Variants in MAGI1 observed in about 807,000 individuals in gnomAD.
MAGI1 encodes membrane-associated guanylate kinase, WW and PDZ domain-containing protein 1.
Under a neutral mutation model 139.9 loss-of-function variants are expected in MAGI1, and 58 were observed. That is an observed-to-expected ratio of 0.41 (90% CI 0.34 to 0.52). MAGI1 has a LOEUF of 0.52. MAGI1 is among the 20% of genes least tolerant of loss of function. MAGI1 has a pLI of 0.12. For synonymous variants in MAGI1, 812 were observed against 737.9 expected (o/e 1.10, Z -1.63); for missense variants, 1,874 against 1,901.6 (o/e 0.99, Z 0.27).
At chr3:65,404,950 CACATATAAGGCAT>C (rs1317533083) in intron 12 of MAGI1, among the ~76,000 whole-genome samples, 2 of 152,130 alleles carry the variant, frequency 1.3e-5, no homozygotes, top group African/African-American at 2.4e-5. Context: ...TGTCACATAT[CACATATAAGGCAT>C]ACATATAAGG....
At chr3:65,824,974 T>C (rs780901847) in intron 1 of MAGI1, among the ~76,000 whole-genome samples, 3 of 152,208 alleles carry the variant, frequency 2.0e-5, no homozygotes, top group Non-Finnish European at 2.9e-5. Flanking sequence ...CTGTACTCCC[T>C]GCCCCCAATG....
chr3:65,865,632 T>C (rs2059698694), intron 1 of MAGI1, among the ~76,000 whole-genome samples: 1 of 151,756 alleles, frequency 6.6e-6, no homozygotes, highest in African/African-American at 2.4e-5. Context: ...TTTGCAAGTG[T>C]TTTTTTGTTT....
chr3:65,447,910 T>C (rs1575781591), intron 7 of MAGI1, 112 bp downstream of exon 7: 25 of 1,188,008 alleles, frequency 2.1e-5, no homozygotes, highest in South Asian at 1.9e-4. Context: ...AAAATCATAA[T>C]TGGAGGAGTG....
chr3:65,748,963 A>C (rs910899903), intron 1 of MAGI1, among the ~76,000 whole-genome samples: 2 of 152,164 alleles, frequency 1.3e-5, no homozygotes, highest in African/African-American at 4.8e-5. Context: ...TAGGGGTGGC[A>C]ATGGTGATCC....
At chr3:65,755,251 A>T (rs1338690765) in intron 1 of MAGI1, among the ~76,000 whole-genome samples, 2 of 152,148 alleles carry the variant, frequency 1.3e-5, no homozygotes, top group Non-Finnish European at 2.9e-5. Flanking sequence ...CTCGGCCACA[A>T]ATAGTACATT....
At chr3:65,947,159 G>A (rs2063580776) in intron 1 of MAGI1, among the ~76,000 whole-genome samples, 2 of 152,120 alleles carry the variant, frequency 1.3e-5, no homozygotes, top group Non-Finnish European at 1.5e-5. Context: ...TGTGTTTCCT[G>A]TAGTTCTTCA....
intron 7 of MAGI1, 115 bp from the exon 8 acceptor site, chr3:65,442,964 A>G: frequency 1.4e-6 from 1 of 727,878 alleles, no homozygotes; most frequent in South Asian, 1.8e-5. Context: ...TTTAAATCCA[A>G]TTAAAACTGT....
At chr3:65,828,545 A>C (rs17073909) in intron 1 of MAGI1, among the ~76,000 whole-genome samples, 10,535 of 152,234 alleles carry the variant, frequency 0.069, 545 homozygotes, top group South Asian at 0.23. Flanking sequence ...GGTTAATGAT[A>C]ATGCTGTACT....
intron 1 of MAGI1, among the ~76,000 whole-genome samples, chr3:65,880,058 A>G (rs531927630): frequency 3.4e-4 from 51 of 152,200 alleles, no homozygotes; most frequent in Non-Finnish European, 5.6e-4. Flanking sequence ...CCTGGGCAAC[A>G]TGATGAAACC....
intron 1 of MAGI1, among the ~76,000 whole-genome samples, chr3:65,723,709 C>T (rs1317916495): frequency 6.6e-6 from 1 of 152,196 alleles, no homozygotes; most frequent in South Asian, 2.1e-4. Context: ...TTCTCATTAA[C>T]TTCAGAAAGT....
chr3:65,390,197 G>T (rs927855606), intron 14 of MAGI1, among the ~76,000 whole-genome samples: 6 of 152,166 alleles, frequency 3.9e-5, no homozygotes, highest in African/African-American at 1.4e-4. Flanking sequence ...TTGCAGCTAG[G>T]AATGAAACCT....
intron 1 of MAGI1, among the ~76,000 whole-genome samples, chr3:65,856,109 G>A (rs1290285925): frequency 1.3e-5 from 2 of 152,086 alleles, no homozygotes; most frequent in Non-Finnish European, 2.9e-5. Flanking sequence ...GGGACTGGGT[G>A]GGAGGAGTAT....
At chr3:65,459,650 T>A (rs921967909) in intron 5 of MAGI1, among the ~76,000 whole-genome samples, 6 of 152,172 alleles carry the variant, frequency 3.9e-5, no homozygotes, top group African/African-American at 1.4e-4. Flanking sequence ...CAGCATGATG[T>A]TGAATAACCA....
intron 1 of MAGI1, among the ~76,000 whole-genome samples, chr3:66,010,760 G>A (rs562548670): frequency 6.6e-6 from 1 of 152,300 alleles, no homozygotes; most frequent in South Asian, 2.1e-4. Flanking sequence ...ACTGAACTGT[G>A]TTTATTTCCA....
chr3:65,385,705 T>C (rs1943394037), intron 14 of MAGI1, among the ~76,000 whole-genome samples: 1 of 152,192 alleles, frequency 6.6e-6, no homozygotes, highest in Non-Finnish European at 1.5e-5. Context: ...AATGGGTGCT[T>C]TCTATCCACT....
chr3:65,384,600 G>C (rs183001499), intron 14 of MAGI1, among the ~76,000 whole-genome samples: 3 of 152,236 alleles, frequency 2.0e-5, no homozygotes, highest in Admixed American at 6.5e-5. Context: ...CAGGTATGGT[G>C]GTGTGTGCCT....
At chr3:65,710,149 G>A (rs1262989739) in intron 1 of MAGI1, among the ~76,000 whole-genome samples, 1 of 151,540 alleles carries the variant, frequency 6.6e-6, no homozygotes, top group Non-Finnish European at 1.5e-5. Context: ...GTTTTAAAAA[G>A]CAAAATACTA....
At chr3:65,479,586 G>C (rs1951124957) in intron 3 of MAGI1, among the ~76,000 whole-genome samples, 1 of 151,974 alleles carries the variant, frequency 6.6e-6, no homozygotes, top group African/African-American at 2.4e-5. Context: ...TCACTGGTAA[G>C]TTATGATACC....
intron 2 of MAGI1, among the ~76,000 whole-genome samples, chr3:65,530,947 C>T (rs760495817): frequency 6.7e-6 from 1 of 149,574 alleles, no homozygotes; most frequent in African/African-American, 2.5e-5. Flanking sequence ...TGTTATTATT[C>T]GTAGTTCCCA....
Sources: allele counts gnomAD v4.1 joint callset (sites outside exome capture counted in the v4.1 genomes callset), GRCh38; gene constraint gnomAD v4.1.1; transcripts MANE v1.5; gene names NCBI Gene and HGNC (gene_info 2026-07-23, HGNC 2026-07-21).